OCM: variants seen among roughly 807,000 people sequenced by gnomAD.
OCM encodes the protein oncomodulin-1.
In OCM, 18 loss-of-function variants were observed where a neutral mutation model predicts 14.1. That is an observed-to-expected ratio of 1.28 (90% CI 0.88 to 1.89). The LOEUF is 1.89. Among genes scored for constraint, OCM ranks in the 40% most tolerant of loss-of-function variants. The pLI is 0.00. For missense variants in OCM, 140 were observed against 137.6 expected (o/e 1.02, Z -0.09); for synonymous variants, 48 against 51.0 (o/e 0.94, Z 0.25).
At chr7:5,871,878 T>G in the OCM span, 3 of 152,358 alleles carry the variant, frequency 2.0e-5, no homozygotes, top group South Asian at 6.2e-4. Context: ...TTCACCCTCC[T>G]TAGGCAACCT....
chr7:5,882,606 C>A lies in OCM; in HGVS notation c.175C>A (p.Leu59Met). ...CATAGACAACGACCAGAGCGGGTAC[C>A]TGGATGAAGAAGAGCTTAAGTAAGC... ...RFIDNDQSGY[L>M]DEEELKFFLQ... Residue 59 changes from leucine to methionine, a missense_variant, in exon 2 of 4, where the codon CTG becomes ATG. By Grantham distance (15) the Leu-to-Met change is conservative. Transcript: ENST00000242104. 1 of 1,614,034 alleles carries A rather than the reference C, an allele frequency of 6.2e-7. No homozygotes were observed. Among genetic ancestry groups the A allele is most frequent in the Admixed American group, 1.7e-5 (1 of 59,994 alleles).
chr7:5,878,534 CAGG>C (rs1781142872), upstream of OCM, among the ~76,000 whole-genome samples: 1 of 151,280 alleles, frequency 6.6e-6, no homozygotes, highest in African/African-American at 2.4e-5. Context: ...ATCACGAGGT[CAGG>C]AGATCAAGAC....
chr7:5,874,448 C>T, the OCM span, among the ~76,000 whole-genome samples: 1 of 151,948 alleles, frequency 6.6e-6, no homozygotes, highest in South Asian at 2.1e-4. Flanking sequence ...ATGTCAGATG[C>T]ATAGCATGAT....
chr7:5,872,649 G>A, the OCM span, among the ~76,000 whole-genome samples: 2 of 152,074 alleles, frequency 1.3e-5, no homozygotes, highest in African/African-American at 4.8e-5. Flanking sequence ...GGCAAGATGT[G>A]CTTTGTTACA....
At chr7:5,878,873 G>GT (rs1781150493), upstream of OCM, among the ~76,000 whole-genome samples, 2 of 74,802 alleles carry the variant, frequency 2.7e-5, no homozygotes, top group Non-Finnish European at 5.0e-5. Context: ...TTTGCTGAAA[G>GT]TTAAAAAAAA....
the OCM span, among the ~76,000 whole-genome samples, chr7:5,861,843 C>A: frequency 6.6e-6 from 1 of 151,974 alleles, no homozygotes; most frequent in African/African-American, 2.4e-5. Context: ...CCTCCCAAAG[C>A]ATTGAAATTG....
At chr7:5,865,970 T>C in the OCM span, among the ~76,000 whole-genome samples, 1 of 152,096 alleles carries the variant, frequency 6.6e-6, no homozygotes, top group South Asian at 2.1e-4. Flanking sequence ...TTCAGTCCCA[T>C]AATTTCAGGG....
chr7:5,867,663 G>T, the OCM span, among the ~76,000 whole-genome samples: 1 of 151,820 alleles, frequency 6.6e-6, no homozygotes, highest in African/African-American at 2.4e-5. Context: ...GCTCACTGAT[G>T]TCTGGTTTTA....
chr7:5,880,828 G>T lies in OCM; in HGVS notation c.-62G>T. On this transcript the variant is annotated 5_prime_UTR_variant, in exon 1 of 4. Coordinates refer to ENST00000242104, the MANE Select transcript of OCM (RefSeq NM_001097622.2). Reference sequence around the variant, plus strand: ...GGCCTGGGAAGATGTGTTTCCCCTGGATGTGCACATTCCTGTTTGTGGCTT... The same window carrying T: ...GGCCTGGGAAGATGTGTTTCCCCTGTATGTGCACATTCCTGTTTGTGGCTT... The T allele has an allele frequency of 2.7e-6, 4 of 1,498,366 alleles. No homozygotes were observed. Among genetic ancestry groups the T allele is most frequent in the Non-Finnish European group, 2.8e-6 (3 of 1,075,274 alleles). The allele number at this position is 1,498,366 out of a possible 1,614,324, so 92.8% of individuals were successfully genotyped here. A position where few individuals can be genotyped will look rare whatever the true frequency, so the allele number is the denominator to read the frequency against.
chr7:5,882,638 C>T lies in OCM; in HGVS notation c.194+13C>T. On this transcript the variant is annotated intron_variant, in intron 2 of 3. Transcript: ENST00000242104. ...AAGAAGAGCTTAAGTAAGCTTTGTC[C>T]TGAGTCTGTCTGGTACCCGGCACTG... 1 of 1,613,804 alleles carries T rather than the reference C, an allele frequency of 6.2e-7. No homozygotes were observed.
rs1272775810 is a variant in OCM, at chr7:5,885,193, C to T, written c.305-871C>T. ...GCTTACCAATAAATATAAAGCAAGT[C>T]CCCAGTTTTTTATATCAATCTGTAA... On this transcript the variant is annotated intron_variant, in intron 3 of 3. Coordinates refer to ENST00000242104, the MANE Select transcript of OCM (RefSeq NM_001097622.2). Among the ~76,000 whole-genome samples, 72 of 151,786 alleles carry T rather than the reference C, an allele frequency of 4.7e-4. 2 individuals are homozygous for T.
chr7:5,885,596 T>TTTTTC lies in OCM; in HGVS notation c.305-465_305-464insTCTTT, dbSNP rs1554279978. Among the ~76,000 whole-genome samples, 843 of 151,840 alleles carry TTTTTC rather than the reference T, an allele frequency of 5.6e-3. 5 individuals are homozygous for TTTTTC. The highest frequency in any genetic ancestry group is 8.6e-3 in the Admixed American group (130 of 15,184). The stretch of plus-strand genomic sequence containing the variant: ...ATAGTCATTGATACCCAGGGTTTTT[T>TTTTTC]TTTCTTTCTTTCTTTCCTTTTTTTT... On this transcript the variant is annotated intron_variant, in intron 3 of 3. Coordinates refer to ENST00000242104, the MANE Select transcript of OCM (RefSeq NM_001097622.2).
the OCM span, among the ~76,000 whole-genome samples, chr7:5,866,407 A>AGGG: frequency 1.2e-5 from 1 of 83,806 alleles, no homozygotes; most frequent in East Asian, 4.1e-4. Context: ...GAAAGAAGGA[A>AGGG]GGGGGGGAGA....
rs796430681 is a variant in OCM, at chr7:5,885,375, C to A, written c.305-689C>A. Among the ~76,000 whole-genome samples, 98 of 152,196 alleles carry A rather than the reference C, an allele frequency of 6.4e-4. 1 individual carries two copies. The highest frequency in any genetic ancestry group is 2.3e-3 in the African/African-American group (94 of 41,526). On this transcript the variant is annotated intron_variant, in intron 3 of 3. Coordinates refer to ENST00000242104, the MANE Select transcript of OCM (RefSeq NM_001097622.2). ...ACGGAATAGAGAAAGAAAATCTCCC[C>A]TTCCTGTCTGAAATTGACCAGACAA...
At chr7:5,873,578 C>A in the OCM span, among the ~76,000 whole-genome samples, 1 of 151,980 alleles carries the variant, frequency 6.6e-6, no homozygotes, top group Non-Finnish European at 1.5e-5. Flanking sequence ...CTTCTGGGCT[C>A]AAGCAATGCT....
chr7:5,876,889 T>C (rs1202254756), upstream of OCM, among the ~76,000 whole-genome samples: 1 of 149,276 alleles, frequency 6.7e-6, no homozygotes, highest in Non-Finnish European at 1.5e-5. Context: ...CACCGCAACC[T>C]CCACCTCCCC....
At chr7:5,875,352 C>T (rs185926312), upstream of OCM, among the ~76,000 whole-genome samples, 7 of 151,994 alleles carry the variant, frequency 4.6e-5, no homozygotes, top group East Asian at 1.9e-4. Context: ...CCACGGCGCC[C>T]GGCCTGAATC....
intron 2 of OCM, 106 bp from the exon 3 acceptor site, chr7:5,883,784 T>A: frequency 7.4e-7 from 1 of 1,356,594 alleles, no homozygotes; most frequent in African/African-American, 1.4e-5. Context: ...TGGTTAATTA[T>A]TGCCGGTGCT....
chr7:5,867,771 G>T, the OCM span, among the ~76,000 whole-genome samples: 1 of 151,734 alleles, frequency 6.6e-6, no homozygotes, highest in Non-Finnish European at 1.5e-5. Flanking sequence ...TTGGGGGGTT[G>T]TTTTTTCTAA....
Sources: gnomAD v4.1 joint callset for allele counts (sites outside exome capture counted in the v4.1 genomes callset) on GRCh38, gnomAD v4.1.1 for gene constraint, MANE v1.5 for transcripts, NCBI Gene and HGNC (gene_info 2026-07-23, HGNC 2026-07-21) for gene names.